The following CPSF3 variants were observed in gnomAD, a reference collection of about 807,000 sequenced individuals.
CPSF3 encodes cleavage and polyadenylation specificity factor subunit 3.
A neutral mutation model predicts 84.1 loss-of-function variants in CPSF3; 57 were observed. That is an observed-to-expected ratio of 0.68 (90% CI 0.55 to 0.85). The LOEUF (loss-of-function observed/expected upper bound fraction) is 0.85, where lower values mean the gene tolerates loss of function less well. Ranked by LOEUF, CPSF3 falls within the 40% of genes least tolerant of loss-of-function variation. The pLI, the probability that CPSF3 is intolerant of heterozygous loss-of-function variation, is 0.00. For missense variants in CPSF3, 522 were observed against 838.8 expected (o/e 0.62, Z 4.66); for synonymous variants, 275 against 278.1 (o/e 0.99, Z 0.11).
chr2:9,432,451 C>A, intron 4 of CPSF3, 60 bp from the exon 5 acceptor site: 3 of 1,249,354 alleles, frequency 2.4e-6, no homozygotes, highest in Non-Finnish European at 3.2e-6. Flanking sequence ...TCTTTGTGTT[C>A]AAAGGCTTTT....
At chr2:9,436,774 AAATAAT>A (rs70948816) in intron 7 of CPSF3, among the ~76,000 whole-genome samples, 1 of 143,002 alleles carries the variant, frequency 7.0e-6, no homozygotes, top group Non-Finnish European at 1.5e-5. Context: ...CCATCTCAAA[AAATAAT>A]AATAATAATA....
Position 9,467,691 on chromosome 2 carries a change from C to T in CPSF3, c.1787-16C>T. The T allele has an allele frequency of 2.8e-6, 4 of 1,416,984 alleles. No homozygotes were observed. The highest frequency in any genetic ancestry group is 1.3e-5 in the South Asian group (1 of 75,068). 87.8% of individuals were successfully genotyped at this position (1,416,984 alleles called of 1,614,324 possible). On this transcript the variant is annotated splice_polypyrimidine_tract_variant and intron_variant, in intron 15 of 17. Coordinates refer to ENST00000238112, the MANE Select transcript of CPSF3 (RefSeq NM_016207.4). ...AATTTAGAAACTGAACTCTCTGTCGCTTTTTTTTTTCCCAGGTGCAGTACA... is the reference window on the plus strand; with the variant it reads ...AATTTAGAAACTGAACTCTCTGTCGTTTTTTTTTTTCCCAGGTGCAGTACA...
intron 10 of CPSF3, among the ~76,000 whole-genome samples, chr2:9,443,876 C>G (rs1463865743): frequency 6.6e-6 from 1 of 152,094 alleles, no homozygotes; most frequent in East Asian, 1.9e-4. Context: ...CTCAGACCTA[C>G]CAACCCCAAT....
At chr2:9,472,816 T>G in intron 17 of CPSF3, 100 bp from the exon 18 acceptor site, 1 of 873,688 alleles carries the variant, frequency 1.1e-6, no homozygotes, top group Middle Eastern at 3.2e-4. Context: ...AGCTGGCTAA[T>G]TTTTTATGAG....
intron 11 of CPSF3, among the ~76,000 whole-genome samples, chr2:9,450,753 A>C (rs1681301865): frequency 6.6e-6 from 1 of 152,154 alleles, no homozygotes; most frequent in Non-Finnish European, 1.5e-5. Flanking sequence ...ATGCCACTGC[A>C]CTCCAGCCTG....
chr2:9,432,696 C>A lies in CPSF3; in HGVS notation c.519+8C>A. On this transcript the variant is annotated splice_region_variant and intron_variant, in intron 5 of 17. Transcript: ENST00000238112. ...GAGATCGCAGGCGTGAAGGTACCCT[C>A]TGGCTGTGGCGCTTTTCTCCCCAGA... 1 of 1,493,652 alleles carries A rather than the reference C, an allele frequency of 6.7e-7. No individual in the cohort carries two copies. Among genetic ancestry groups the A allele is most frequent in the South Asian group, 1.4e-5 (1 of 69,856 alleles). The allele number at this position is 1,493,652 out of a possible 1,614,324, so 92.5% of individuals were successfully genotyped here. A position where few individuals can be genotyped will look rare whatever the true frequency, so the allele number is the denominator to read the frequency against.
In CPSF3 at chr2:9,450,703, G is replaced by A. The variant is rs140614017; in HGVS notation, c.1396-2210G>A. ...CTCGGGAGGCTGAGGCAGGAGAATC[G>A]CTTGAACCTGGGAGGCGGAGGTTGC... is the stretch of plus-strand genomic sequence containing the variant. On this transcript the variant is annotated intron_variant, in intron 11 of 17. Transcript: ENST00000238112. Among the ~76,000 whole-genome samples, 140 of 152,172 alleles carry A rather than the reference G, an allele frequency of 9.2e-4. 2 individuals carry two copies. Among genetic ancestry groups the A allele is most frequent in the African/African-American group, 3.1e-3 (129 of 41,540 alleles).
At chr2:9,424,896 A>C (rs1268895447) in intron 1 of CPSF3, 2 of 152,266 alleles carry the variant, frequency 1.3e-5, no homozygotes, top group Non-Finnish European at 2.9e-5. Flanking sequence ...TTAGTAGGAC[A>C]ACAATCTCAC....
Position 9,452,898 on chromosome 2 carries a change from A to ATT in CPSF3, c.1396-6_1396-5dup, listed in dbSNP as rs146198578. On this transcript the variant is annotated splice_polypyrimidine_tract_variant and intron_variant, in intron 11 of 17. Transcript: ENST00000238112. Reference sequence around the variant, plus strand: ...TTACCAGGTTCTATTTTCTTCAAGTATTTTTTTTTTACAGGTTATGGGATT... The same window carrying ATT: ...TTACCAGGTTCTATTTTCTTCAAGTATTTTTTTTTTTTACAGGTTATGGGATT... The ATT allele has an allele frequency of 1.5e-5, 21 of 1,357,596 alleles. No individual in the cohort carries two copies. The highest frequency in any genetic ancestry group is 8.9e-5 in the African/African-American group (6 of 67,300). The allele number at this position is 1,357,596 out of a possible 1,614,324, so 84.1% of individuals were successfully genotyped here.
At chr2:9,471,301 G>A (rs373539143) in intron 16 of CPSF3, 42 bp from the exon 17 acceptor site, 79 of 1,152,458 alleles carry the variant, frequency 6.9e-5, no homozygotes, top group Non-Finnish European at 1.0e-4. Context: ...AATATATAAA[G>A]CCGGGCATTT....
intron 12 of CPSF3, among the ~76,000 whole-genome samples, chr2:9,454,035 A>G (rs1681425574): frequency 6.6e-6 from 1 of 152,248 alleles, no homozygotes; most frequent in Admixed American, 6.5e-5. Context: ...TCCAATGAAT[A>G]TGGTATTATT....
Position 9,436,330 on chromosome 2 carries a change from T to G in CPSF3, c.729T>G (p.Leu243=). 6.2e-7 allele frequency: 1 copy of G among 1,613,874 alleles called. No individual in the cohort carries two copies. The highest frequency in any genetic ancestry group is 8.5e-7 in the Non-Finnish European group (1 of 1,179,864). Residue 243 remains leucine (L), a synonymous_variant, in exon 7 of 18, where the codon CTT becomes CTG. Coordinates refer to ENST00000238112, the MANE Select transcript of CPSF3 (RefSeq NM_016207.4). ...GGRGLIPVFA[L]GRAQELLLIL... The stretch of plus-strand genomic sequence containing the variant: ...GGGGTCTCATTCCTGTCTTTGCTCT[T>G]GGAAGGGCTCAGGAGCTGCTCTTGA...
At chr2:9,466,023 C>T (rs777939570) in intron 15 of CPSF3, among the ~76,000 whole-genome samples, 1 of 152,150 alleles carries the variant, frequency 6.6e-6, no homozygotes, top group Non-Finnish European at 1.5e-5. Context: ...GTACAACCAT[C>T]ACCACAATCA....
intron 1 of CPSF3, chr2:9,424,236 G>A (rs545999993): frequency 1.0e-6 from 1 of 994,810 alleles, no homozygotes; most frequent in South Asian, 4.5e-5. Context: ...AGCCGTGCAG[G>A]GAAGAATTAA....
intron 10 of CPSF3, among the ~76,000 whole-genome samples, chr2:9,444,158 A>ATATTTT (rs1216393477): frequency 1.3e-4 from 16 of 123,166 alleles, no homozygotes; most frequent in African/African-American, 4.9e-4. Flanking sequence ...ATATATATAT[A>ATATTTT]TTTTTTTTTT....
chr2:9,472,881 TA>T, intron 17 of CPSF3, 34 bp from the exon 18 acceptor site: 1 of 1,310,456 alleles, frequency 7.6e-7, no homozygotes, highest in Non-Finnish European at 1.1e-6. Flanking sequence ...ATTATAGACT[TA>T]ATTCTAACAG....
chr2:9,466,854 G>T (rs573078368), intron 15 of CPSF3, among the ~76,000 whole-genome samples: 4 of 152,204 alleles, frequency 2.6e-5, no homozygotes, highest in African/African-American at 9.6e-5. Context: ...CCTTTTTATG[G>T]CCAAATAATT....
rs982183245 is a variant in CPSF3, at chr2:9,468,332, G to A, written c.1856+556G>A. ...TTGCAGCCTTGACTCCCAGGCTCGA[G>A]CAATCCGCCTCAGCCTCCCAAGTAG... On this transcript the variant is annotated intron_variant, in intron 16 of 17. Coordinates refer to ENST00000238112, the MANE Select transcript of CPSF3 (RefSeq NM_016207.4). 4.6e-5 allele frequency among the ~76,000 whole-genome samples: 7 copies of A among 152,092 alleles called. No individual in the cohort carries two copies. The East Asian group carries it at 9.6e-4, about 21-fold the overall frequency.
intron 14 of CPSF3, 22 bp downstream of exon 14, chr2:9,457,049 A>C: frequency 7.2e-7 from 1 of 1,397,772 alleles, no homozygotes; most frequent in Admixed American, 2.1e-5. Context: ...TCATTTACCT[A>C]AACAATGAGG....
Sources: allele counts gnomAD v4.1 joint callset (sites outside exome capture counted in the v4.1 genomes callset), GRCh38; gene constraint gnomAD v4.1.1; transcripts MANE v1.5; gene names NCBI Gene and HGNC (gene_info 2026-07-23, HGNC 2026-07-21).